ARID1B: variants seen among roughly 807,000 people sequenced by gnomAD.
ARID1B encodes AT-rich interaction domain 1B.
ARID1B carries 30 observed loss-of-function variants against 212.3 expected under a neutral mutation model. The observed-to-expected ratio is 0.14, with a 90% CI of 0.11 to 0.19. The LOEUF is 0.19. ARID1B is among the 10% of genes least tolerant of loss of function. The pLI is 1.00. For synonymous variants in ARID1B, 1,402 were observed against 1,301.7 expected (o/e 1.08, Z -1.66); for missense variants, 2,891 against 3,204.0 (o/e 0.90, Z 2.36).
intron 4 of ARID1B, among the ~76,000 whole-genome samples, chr6:156,971,991 C>T (rs1450290610): frequency 1.3e-5 from 2 of 152,154 alleles, no homozygotes; most frequent in African/African-American, 4.8e-5. Flanking sequence ...TACCCAGAGC[C>T]AGGAATCCTG....
At chr6:156,948,145 G>T (rs1793300839) in intron 4 of ARID1B, among the ~76,000 whole-genome samples, 1 of 152,148 alleles carries the variant, frequency 6.6e-6, no homozygotes, top group Non-Finnish European at 1.5e-5. Flanking sequence ...TTAAAGTTAG[G>T]GGTATTCTTG....
At chr6:157,171,896 G>A (rs1048694216) in intron 9 of ARID1B, among the ~76,000 whole-genome samples, 1 of 152,158 alleles carries the variant, frequency 6.6e-6, no homozygotes, top group African/African-American at 2.4e-5. Context: ...CATTTAATGC[G>A]TAAAATAGAA....
chr6:157,161,425 G>GTATA lies in ARID1B; in HGVS notation c.3090-5614_3090-5613insATAT, dbSNP rs768153706. Among the ~76,000 whole-genome samples, 269 of 124,400 alleles carry GTATA rather than the reference G, an allele frequency of 2.2e-3. 1 individual carries two copies. The highest frequency in any genetic ancestry group is 8.3e-3 in the African/African-American group (249 of 29,888). 81.6% of individuals were successfully genotyped at this position (124,400 alleles called of 152,430 possible). A position where few individuals can be genotyped will look rare whatever the true frequency, so the allele number is the denominator to read the frequency against. On this transcript the variant is annotated intron_variant, in intron 8 of 19. Transcript: ENST00000636930. Reference sequence around the variant, plus strand: ...CGGTCTTATTTTCTGTTTTGATTGTGTGTGTGTATATATATATATATATAT... The same window carrying GTATA: ...CGGTCTTATTTTCTGTTTTGATTGTGTATATGTGTGTATATATATATATATATAT...
chr6:156,828,864 CTT>C (rs764085273), intron 1 of ARID1B, among the ~76,000 whole-genome samples: 1 of 152,204 alleles, frequency 6.6e-6, no homozygotes, highest in Non-Finnish European at 1.5e-5. Flanking sequence ...ACCCTCTGCT[CTT>C]ATTACTAGTA....
chr6:156,934,330 GT>G (rs67505115), intron 3 of ARID1B, among the ~76,000 whole-genome samples: 11,064 of 152,140 alleles, frequency 0.073, 440 homozygotes, highest in African/African-American at 0.076. Flanking sequence ...TAGAGATCTG[GT>G]ATACAGTAAA....
At chr6:157,205,958 A>G (rs2128390276) in intron 19 of ARID1B, 1 of 609,100 alleles carries the variant, frequency 1.6e-6, no homozygotes, top group Admixed American at 2.7e-5. Flanking sequence ...AACATGCTAA[A>G]CATCGGTTTA....
intron 4 of ARID1B, among the ~76,000 whole-genome samples, chr6:157,006,889 C>T (rs1779276233): frequency 6.6e-6 from 1 of 152,112 alleles, no homozygotes; most frequent in African/African-American, 2.4e-5. Context: ...ATTACTCTTC[C>T]TTAAATGGAA....
At chr6:157,180,653 G>C (rs1195608922) in intron 11 of ARID1B, among the ~76,000 whole-genome samples, 1 of 152,124 alleles carries the variant, frequency 6.6e-6, no homozygotes, top group Non-Finnish European at 1.5e-5. Flanking sequence ...AAAATAACAT[G>C]AGGTGTCACT....
At position 156,777,447 on chromosome 6, in the gene ARID1B, GAA is replaced by G. The variant is rs1173515307; in HGVS notation, c.-231_-230del. ...CATATCCGGGCTAGAGAGGAAAAGA[GAA>G]AAGTTTCATTTAAACCTGAACTAAA... On this transcript the variant is annotated 5_prime_UTR_variant, in exon 1 of 20. It introduces an in-frame stop codon into an upstream open reading frame of the 5' UTR. Transcript: ENST00000636930. 1 of 150,810 alleles carries G rather than the reference GAA, an allele frequency of 6.6e-6. No homozygotes were observed. Among genetic ancestry groups the G allele is most frequent in the Admixed American group, 6.6e-5 (1 of 15,190 alleles). The allele number at this position is 150,810 out of a possible 1,614,324, so 9.3% of individuals were successfully genotyped here.
intron 4 of ARID1B, among the ~76,000 whole-genome samples, chr6:156,995,871 A>G (rs1420200982): frequency 6.6e-6 from 1 of 152,214 alleles, no homozygotes; most frequent in African/African-American, 2.4e-5. Context: ...CGTCTTATAT[A>G]TTACATGGAA....
At chr6:157,073,583 A>G (rs560665185) in intron 4 of ARID1B, among the ~76,000 whole-genome samples, 73 of 152,306 alleles carry the variant, frequency 4.8e-4, no homozygotes, top group African/African-American at 1.7e-3. Flanking sequence ...TGTATGCTTA[A>G]TGTTTCAGAT....
chr6:156,893,313 A>G (rs1788110081), intron 2 of ARID1B, among the ~76,000 whole-genome samples: 1 of 152,166 alleles, frequency 6.6e-6, no homozygotes, highest in African/African-American at 2.4e-5. Flanking sequence ...GGTGTGAGCC[A>G]CTGTACCTGG....
At chr6:156,820,933 T>A (rs1307700437) in intron 1 of ARID1B, among the ~76,000 whole-genome samples, 1 of 152,176 alleles carries the variant, frequency 6.6e-6, no homozygotes, top group Non-Finnish European at 1.5e-5. Flanking sequence ...GATGCTTGGA[T>A]TTAAATACCA....
chr6:157,114,573 A>G (rs1481226711), intron 6 of ARID1B, among the ~76,000 whole-genome samples: 1 of 149,934 alleles, frequency 6.7e-6, no homozygotes, highest in Non-Finnish European at 1.5e-5. Flanking sequence ...GAAACCATAG[A>G]CCCTGATAGA....
At chr6:157,032,089 G>A (rs749139716) in intron 4 of ARID1B, among the ~76,000 whole-genome samples, 3 of 152,172 alleles carry the variant, frequency 2.0e-5, no homozygotes, top group South Asian at 2.1e-4. Flanking sequence ...GAGCCACCAC[G>A]CCCGGCCCAA....
intron 4 of ARID1B, among the ~76,000 whole-genome samples, chr6:157,018,583 A>T (rs114423522): frequency 6.6e-6 from 1 of 152,264 alleles, no homozygotes; most frequent in Non-Finnish European, 1.5e-5. Flanking sequence ...ACCCATCTAC[A>T]TGTGAGACCT....
chr6:157,018,025 A>G lies in ARID1B; in HGVS notation c.2248-66637A>G, dbSNP rs116759027. ...CATGTGCTTGTAGTCCCAGTTACTC[A>G]AGGGGCTAAGGTGGGAGGATAGGTT... On this transcript the variant is annotated intron_variant, in intron 4 of 19. Transcript: ENST00000636930. Among the ~76,000 whole-genome samples the G allele has an allele frequency of 8.3e-3, 1,255 of 151,334 alleles. 22 individuals carry two copies. The highest frequency in any genetic ancestry group is 0.029 in the African/African-American group (1,212 of 41,228).
chr6:156,797,141 T>C (rs548089418), intron 1 of ARID1B, among the ~76,000 whole-genome samples: 1 of 152,246 alleles, frequency 6.6e-6, no homozygotes, highest in South Asian at 2.1e-4. Flanking sequence ...TGGGTATCTA[T>C]TCAGTGCCTG....
intron 3 of ARID1B, among the ~76,000 whole-genome samples, chr6:156,915,844 C>A (rs537492778): frequency 1.3e-5 from 2 of 149,842 alleles, no homozygotes; most frequent in South Asian, 2.1e-4. Context: ...TGTAATGAGC[C>A]AAGATTGCAC....
Sources: gnomAD v4.1 joint callset for allele counts (sites outside exome capture counted in the v4.1 genomes callset) on GRCh38, gnomAD v4.1.1 for gene constraint, MANE v1.5 for transcripts, NCBI Gene and HGNC (gene_info 2026-07-23, HGNC 2026-07-21) for gene names.